RARB: variants seen among roughly 807,000 people sequenced by gnomAD.
The protein encoded by RARB is retinoic acid receptor beta.
In RARB, 17 loss-of-function variants were observed where a neutral mutation model predicts 51.9. That is an observed-to-expected ratio of 0.33 (90% CI 0.22 to 0.49). The LOEUF is 0.49. Among genes scored for constraint, RARB ranks in the 20% least tolerant of loss-of-function variants. The pLI, the probability that RARB is intolerant of heterozygous loss-of-function variation, is 0.99. For synonymous variants in RARB, 215 were observed against 195.4 expected (o/e 1.10, Z -0.84); for missense variants, 369 against 550.8 (o/e 0.67, Z 3.30).
intron 2 of RARB, among the ~76,000 whole-genome samples, chr3:24,911,030 G>A (rs1694979316): frequency 1.3e-5 from 2 of 152,198 alleles, no homozygotes; most frequent in African/African-American, 4.8e-5. Flanking sequence ...TCTTCGGCAA[G>A]CTGTGATAAA....
At chr3:25,559,068 C>T (rs924200734) in intron 3 of RARB, among the ~76,000 whole-genome samples, 2 of 152,022 alleles carry the variant, frequency 1.3e-5, no homozygotes, top group African/African-American at 4.8e-5. Context: ...GTTTTTTCCT[C>T]CCCTTTTGGC....
At chr3:24,949,781 G>T (rs762030888) in intron 2 of RARB, among the ~76,000 whole-genome samples, 3 of 152,154 alleles carry the variant, frequency 2.0e-5, no homozygotes, top group African/African-American at 2.4e-5. Flanking sequence ...AATTCCAAAA[G>T]CTAGTTTATC....
intron 2 of RARB, among the ~76,000 whole-genome samples, chr3:25,497,386 A>G (rs1229503123): frequency 6.6e-6 from 1 of 152,186 alleles, no homozygotes; most frequent in Non-Finnish European, 1.5e-5. Context: ...GCCCATGCAG[A>G]TAGACAGTCT....
chr3:25,395,767 A>G (rs1288763022), intron 5 of RARB, among the ~76,000 whole-genome samples: 1 of 150,884 alleles, frequency 6.6e-6, no homozygotes, highest in Non-Finnish European at 1.5e-5. Flanking sequence ...CATATCTTGT[A>G]TTATTTTTAA....
intron 2 of RARB, among the ~76,000 whole-genome samples, chr3:24,989,857 T>G (rs1333752970): frequency 1.2e-5 from 1 of 80,198 alleles, no homozygotes; most frequent in Non-Finnish European, 2.3e-5. Context: ...CGGACTGCAG[T>G]GGCGCAATCT....
At chr3:25,555,027 T>C (rs1700000389) in intron 3 of RARB, among the ~76,000 whole-genome samples, 2 of 152,228 alleles carry the variant, frequency 1.3e-5, no homozygotes, top group African/African-American at 4.8e-5. Flanking sequence ...AGGCTTCTCA[T>C]CTCAAAACTG....
At chr3:25,046,849 A>G (rs1248683213) in intron 2 of RARB, among the ~76,000 whole-genome samples, 1 of 152,216 alleles carries the variant, frequency 6.6e-6, no homozygotes, top group Non-Finnish European at 1.5e-5. Flanking sequence ...GGTGCATATA[A>G]TTTATAAGTT....
At chr3:25,123,324 T>C (rs189028664) in intron 3 of RARB, among the ~76,000 whole-genome samples, 10 of 152,314 alleles carry the variant, frequency 6.6e-5, no homozygotes, top group Non-Finnish European at 1.2e-4. Flanking sequence ...GGAATAGTCA[T>C]AGAATTTTGT....
At position 25,428,874 on chromosome 3, in the gene RARB, G is replaced by A; in HGVS notation, c.143G>A (p.Arg48Gln). The change falls in exon 1 of 8, where the codon CGG becomes CAG. Residue 48 changes from arginine to glutamine, a missense_variant. By Grantham distance (43) the Arg-to-Gln change is conservative. Coordinates refer to ENST00000330688, the MANE Select transcript of RARB (RefSeq NM_000965.5). ...TTGACCCAAACCGAATGGCAGCATC[G>A]GCACACTGCTCAATGTAGGTTTATT... Reference protein sequence around the residue: ...SGLTQTEWQHRHTAQSIETQS... With the variant: ...SGLTQTEWQHQHTAQSIETQS... 6.2e-7 allele frequency: 1 copy of A among 1,611,572 alleles called. No individual in the cohort carries two copies. The highest frequency in any genetic ancestry group is 8.5e-7 in the Non-Finnish European group (1 of 1,178,118).
intron 2 of RARB, among the ~76,000 whole-genome samples, chr3:24,936,150 C>T (rs537688711): frequency 1.8e-4 from 28 of 152,158 alleles, no homozygotes; most frequent in African/African-American, 5.1e-4. Flanking sequence ...TGTATCATTC[C>T]ATCCATGGTC....
intron 3 of RARB, among the ~76,000 whole-genome samples, chr3:25,082,835 A>G (rs908864484): frequency 3.3e-5 from 5 of 152,034 alleles, no homozygotes; most frequent in African/African-American, 1.2e-4. Context: ...ATATTGTGCA[A>G]GTCTATATAG....
chr3:25,410,902 A>G (rs1707544877), intron 5 of RARB, among the ~76,000 whole-genome samples: 1 of 152,206 alleles, frequency 6.6e-6, no homozygotes, highest in Non-Finnish European at 1.5e-5. Context: ...TTAGGAGCAT[A>G]CTACTGGGCA....
At chr3:24,873,544 G>T (rs768585234) in intron 2 of RARB, among the ~76,000 whole-genome samples, 4 of 151,668 alleles carry the variant, frequency 2.6e-5, no homozygotes, top group Non-Finnish European at 5.9e-5. Flanking sequence ...GGACCAAATG[G>T]ATTGTGGGTT....
At position 25,537,621 on chromosome 3, in the gene RARB, T is replaced by G. The variant is rs138887498; in HGVS notation, c.449-32137T>G. Among the ~76,000 whole-genome samples, 1,254 of 152,094 alleles carry G rather than the reference T, an allele frequency of 8.2e-3. 13 individuals are homozygous for G. Among genetic ancestry groups the G allele is most frequent in the Admixed American group, 0.015 (226 of 15,272 alleles). The stretch of plus-strand genomic sequence containing the variant: ...GCCTGTGGAATGAGGGGACTGTGGG[T>G]TTTAGTGTGTATTTCTGCAGCTCCC... On this transcript the variant is annotated intron_variant, in intron 3 of 7. Transcript: ENST00000330688.
intron 2 of RARB, among the ~76,000 whole-genome samples, chr3:24,905,025 C>T (rs943610195): frequency 6.6e-6 from 1 of 152,116 alleles, no homozygotes; most frequent in Non-Finnish European, 1.5e-5. Flanking sequence ...TTAGGAAAAA[C>T]ACGTCATGTA....
chr3:25,282,457 T>C (rs960936583), intron 5 of RARB, among the ~76,000 whole-genome samples: 2 of 150,538 alleles, frequency 1.3e-5, no homozygotes, highest in Admixed American at 1.3e-4. Flanking sequence ...ATGCCCCTTA[T>C]ACTTTTTCTA....
intron 2 of RARB, among the ~76,000 whole-genome samples, chr3:24,959,361 T>TGGAGCA (rs1270274060): frequency 6.6e-6 from 1 of 152,188 alleles, no homozygotes; most frequent in Non-Finnish European, 1.5e-5. Context: ...GGAAAGGGGA[T>TGGAGCA]GGAGCAGGAA....
chr3:25,424,680 G>T (rs896130526), upstream of RARB, among the ~76,000 whole-genome samples: 13 of 137,794 alleles, frequency 9.4e-5, no homozygotes, highest in South Asian at 2.1e-4. Context: ...CCCCTGTGGT[G>T]GGGGGGGATA....
intron 2 of RARB, among the ~76,000 whole-genome samples, chr3:25,494,705 G>A (rs1249942096): frequency 1.3e-5 from 2 of 152,160 alleles, no homozygotes; most frequent in Admixed American, 6.5e-5. Flanking sequence ...GTATCAAAAA[G>A]TGAGCAATTA....
Sources: allele counts gnomAD v4.1 joint callset (sites outside exome capture counted in the v4.1 genomes callset), GRCh38; gene constraint gnomAD v4.1.1; transcripts MANE v1.5; gene names NCBI Gene and HGNC (gene_info 2026-07-23, HGNC 2026-07-21).